MDM4: variants seen among roughly 807,000 people sequenced by gnomAD.
MDM4 encodes the protein protein Mdm4.
In MDM4, 2 loss-of-function variants were observed where a neutral mutation model predicts 60.2. The observed-to-expected ratio is 0.03, with a 90% CI of 0.01 to 0.10. The LOEUF is 0.10. MDM4 is among the 10% of genes least tolerant of loss of function. The pLI is 1.00. For synonymous variants in MDM4, 202 were observed against 198.1 expected (o/e 1.02, Z -0.17); for missense variants, 447 against 577.5 (o/e 0.77, Z 2.32).
rs1663369461 is a variant in MDM4 at position 204,553,589 on chromosome 1, C to T, written c.*3907C>T. 5 of 228,408 alleles carry T rather than the reference C, an allele frequency of 2.2e-5. No homozygotes were observed. The Admixed American group carries it at 2.3e-4, about 10-fold the overall frequency. 14.1% of individuals were successfully genotyped at this position (228,408 alleles called of 1,614,324 possible). On this transcript the variant is annotated 3_prime_UTR_variant, in exon 11 of 11. Transcript: ENST00000367182. ...TGCTGTAGACTATGAATAATGAAATCACACCACATTACCATCAGATTTCTT... is the reference window on the plus strand; with the variant it reads ...TGCTGTAGACTATGAATAATGAAATTACACCACATTACCATCAGATTTCTT...
chr1:204,525,251 G>T, intron 1 of MDM4: 1 of 839,090 alleles, frequency 1.2e-6, no homozygotes, highest in Non-Finnish European at 1.4e-6. Context: ...AACTGTTACT[G>T]TTTCAGCCTT....
chr1:204,518,840 A>G (rs1425361077), intron 1 of MDM4, among the ~76,000 whole-genome samples: 1 of 152,052 alleles, frequency 6.6e-6, no homozygotes, highest in Non-Finnish European at 1.5e-5. Context: ...TAATTTTTGT[A>G]TTTTCAGTAG....
In MDM4 at chr1:204,557,293, G is replaced by A. The variant is rs1291372355; in HGVS notation, c.*7611G>A. ...TTTAGGTATTCTTTCTTTGATATGA[G>A]GCTCTTGACCAGAAAAGAGTTCTTT... On this transcript the variant is annotated 3_prime_UTR_variant, in exon 11 of 11. Transcript: ENST00000367182. 1 of 189,810 alleles carries A rather than the reference G, an allele frequency of 5.3e-6. No homozygotes were observed. The highest frequency in any genetic ancestry group is 1.1e-5 in the Non-Finnish European group (1 of 90,550). 11.8% of individuals were successfully genotyped at this position (189,810 alleles called of 1,614,324 possible).
At chr1:204,519,974 A>G (rs1659396223) in intron 1 of MDM4, among the ~76,000 whole-genome samples, 1 of 152,132 alleles carries the variant, frequency 6.6e-6, no homozygotes, top group African/African-American at 2.4e-5. Context: ...AAACTAAGAG[A>G]TAAGAAAGAA....
At chr1:204,527,864 CTTTT>C (rs36104392) in intron 3 of MDM4, among the ~76,000 whole-genome samples, 1 of 142,038 alleles carries the variant, frequency 7.0e-6, no homozygotes, top group Non-Finnish European at 1.5e-5. Context: ...AATTATCAGG[CTTTT>C]TTTTTTTTCG....
Position 204,550,841 on chromosome 1 carries a change from A to T in MDM4, c.*1159A>T, listed in dbSNP as rs1219330360. Reference sequence around the variant, plus strand: ...GAGCCACTATGCTTGGCTCAAAGATATTTTTATGAAAGCCCTGGGACTATA... The same window carrying T: ...GAGCCACTATGCTTGGCTCAAAGATTTTTTTATGAAAGCCCTGGGACTATA... On this transcript the variant is annotated 3_prime_UTR_variant, in exon 11 of 11. Coordinates refer to ENST00000367182, the MANE Select transcript of MDM4 (RefSeq NM_002393.5). The T allele has an allele frequency of 2.8e-5, 5 of 178,196 alleles. No individual in the cohort carries two copies. In the East Asian group the frequency reaches 4.7e-4, roughly 17 times the overall value. 11.0% of individuals were successfully genotyped at this position (178,196 alleles called of 1,614,324 possible). A position where few individuals can be genotyped will look rare whatever the true frequency, so the allele number is the denominator to read the frequency against.
At position 204,549,875 on chromosome 1, in the gene MDM4, C is replaced by A. The variant is rs1663035221; in HGVS notation, c.*193C>A. On this transcript the variant is annotated 3_prime_UTR_variant, in exon 11 of 11. Transcript: ENST00000367182. The stretch of plus-strand genomic sequence containing the variant: ...ATCTGATTAGTCAAATTATTAAGTG[C>A]CATGGATTACTTTATGCAGCAGTCA... 2.1e-6 allele frequency: 1 copy of A among 468,546 alleles called. No homozygotes were observed. Among genetic ancestry groups the A allele is most frequent in the Non-Finnish European group, 3.7e-6 (1 of 268,422 alleles). 29.0% of individuals were successfully genotyped at this position (468,546 alleles called of 1,614,324 possible).
In MDM4 at chr1:204,549,541, A is replaced by G. The variant is rs199877649; in HGVS notation, c.1332A>G (p.Pro444=). 170 of 1,613,586 alleles carry G rather than the reference A, an allele frequency of 1.1e-4. No homozygotes were observed. The highest frequency in any genetic ancestry group is 1.4e-4 in the Non-Finnish European group (167 of 1,179,892). The change falls in exon 11 of 11, where the codon CCA becomes CCG. Residue 444 remains proline (P), a synonymous_variant. Transcript: ENST00000367182. ...CATGTAGCTTATGTGAGAAAAGACC[A>G]CGAGACGGGAACATTATTCATGGAA... ...LKPCSLCEKR[P]RDGNIIHGRT... is the part of the protein sequence containing the mutation.
rs1663437586 is a variant in MDM4 at position 204,554,933 on chromosome 1, T to A, written c.*5251T>A. On this transcript the variant is annotated 3_prime_UTR_variant, in exon 11 of 11. Coordinates refer to ENST00000367182, the MANE Select transcript of MDM4 (RefSeq NM_002393.5). ...AATACAGCATAGTTAAATAAACTGTTACAGTAAATCTACACTTGGATTTGC... is the reference window on the plus strand; with the variant it reads ...AATACAGCATAGTTAAATAAACTGTAACAGTAAATCTACACTTGGATTTGC... 4.5e-6 allele frequency: 1 copy of A among 222,650 alleles called. No individual in the cohort carries two copies. The highest frequency in any genetic ancestry group is 5.7e-5 in the Admixed American group (1 of 17,394). 13.8% of individuals were successfully genotyped at this position (222,650 alleles called of 1,614,324 possible). A position where few individuals can be genotyped will look rare whatever the true frequency, so the allele number is the denominator to read the frequency against.
intron 3 of MDM4, among the ~76,000 whole-genome samples, chr1:204,526,903 A>G (rs553023359): frequency 1.2e-3 from 187 of 152,348 alleles, no homozygotes; most frequent in African/African-American, 4.3e-3. Context: ...TAGGTTGAAC[A>G]TCATATTTCC....
In MDM4 at chr1:204,557,038, A is replaced by T. The variant is rs1440781068; in HGVS notation, c.*7356A>T. On this transcript the variant is annotated 3_prime_UTR_variant, in exon 11 of 11. Transcript: ENST00000367182. ...TATATAAAAAGCAGTATACATACCTACCCTTTTCTACCTCATCATTTGTTG... is the reference window on the plus strand; with the variant it reads ...TATATAAAAAGCAGTATACATACCTTCCCTTTTCTACCTCATCATTTGTTG... 4.9e-6 allele frequency: 1 copy of T among 203,986 alleles called. No individual in the cohort carries two copies. The highest frequency in any genetic ancestry group is 1.0e-5 in the Non-Finnish European group (1 of 99,536). The allele number at this position is 203,986 out of a possible 1,614,324, so 12.6% of individuals were successfully genotyped here.
At chr1:204,538,697 AT>A (rs1159845355) in intron 7 of MDM4, among the ~76,000 whole-genome samples, 1 of 148,424 alleles carries the variant, frequency 6.7e-6, no homozygotes, top group Non-Finnish European at 1.5e-5. Context: ...GCAAAGGCCA[AT>A]TTTCATACTT....
At chr1:204,532,344 T>C in intron 5 of MDM4, 98 bp downstream of exon 5, 1 of 797,788 alleles carries the variant, frequency 1.3e-6, no homozygotes, top group South Asian at 1.5e-5. Context: ...AATGGAATGC[T>C]ATCTTTGGCA....
At chr1:204,529,341 G>A (rs1660604551) in intron 3 of MDM4, 2 of 798,254 alleles carry the variant, frequency 2.5e-6, no homozygotes, top group East Asian at 4.9e-5. Flanking sequence ...CCAGGAGTAG[G>A]CCTCATCCAT....
At chr1:204,537,207 A>G (rs1466224891) in intron 5 of MDM4, among the ~76,000 whole-genome samples, 1 of 152,098 alleles carries the variant, frequency 6.6e-6, no homozygotes, top group Non-Finnish European at 1.5e-5. Context: ...TTTTTTCCCG[A>G]TTATATTTTG....
At chr1:204,543,791 C>T (rs948573646) in intron 8 of MDM4, among the ~76,000 whole-genome samples, 43 of 152,318 alleles carry the variant, frequency 2.8e-4, no homozygotes, top group Middle Eastern at 3.4e-3. Flanking sequence ...CATAGTACTT[C>T]TCACTTTGTA....
At chr1:204,526,330 A>G in intron 2 of MDM4, 30 bp from the exon 3 acceptor site, 1 of 1,570,246 alleles carries the variant, frequency 6.4e-7, no homozygotes, top group Non-Finnish European at 8.8e-7. Context: ...TTGAAATGTA[A>G]ATAGCACATT....
At chr1:204,524,977 C>T (rs1659973634) in intron 1 of MDM4, among the ~76,000 whole-genome samples, 2 of 152,060 alleles carry the variant, frequency 1.3e-5, no homozygotes, top group Admixed American at 1.3e-4. Flanking sequence ...GGGGTTGGTA[C>T]ATTTACAAGC....
In MDM4 at chr1:204,553,064, G is replaced by T; in HGVS notation, c.*3382G>T. 5.9e-6 allele frequency: 1 copy of T among 168,794 alleles called. No individual in the cohort carries two copies. The highest frequency in any genetic ancestry group is 6.4e-5 in the Admixed American group (1 of 15,586). 10.5% of individuals were successfully genotyped at this position (168,794 alleles called of 1,614,324 possible). On this transcript the variant is annotated 3_prime_UTR_variant, in exon 11 of 11. Transcript: ENST00000367182. The stretch of plus-strand genomic sequence containing the variant: ...CTAATTTTGTATTTTTAGTAGAGAT[G>T]GTTTCACCATGTTGGTCAGGCTGGT...
Sources: gnomAD v4.1 joint callset for allele counts (sites outside exome capture counted in the v4.1 genomes callset) on GRCh38, gnomAD v4.1.1 for gene constraint, MANE v1.5 for transcripts, NCBI Gene and HGNC (gene_info 2026-07-23, HGNC 2026-07-21) for gene names.